PDSS2: variants seen among roughly 807,000 people sequenced by gnomAD.
The protein encoded by PDSS2 is decaprenyl diphosphate synthase subunit 2, also known as all trans-polyprenyl-diphosphate synthase PDSS2.
A neutral mutation model predicts 44.5 loss-of-function variants in PDSS2; 31 were observed. The observed-to-expected ratio is 0.70, with a 90% confidence interval of 0.52 to 0.94. The LOEUF (loss-of-function observed/expected upper bound fraction) is 0.94, where lower values mean the gene tolerates loss of function less well. Among genes scored for constraint, PDSS2 ranks in the 40% least tolerant of loss-of-function variants. The pLI, the probability that PDSS2 is intolerant of heterozygous loss-of-function variation, is 0.00. For synonymous variants in PDSS2, 157 were observed against 180.3 expected (o/e 0.87, Z 1.03); for missense variants, 452 against 482.2 (o/e 0.94, Z 0.59).
At chr6:107,242,258 AATT>A (rs564020485) in intron 4 of PDSS2, among the ~76,000 whole-genome samples, 78 of 151,710 alleles carry the variant, frequency 5.1e-4, no homozygotes, top group Middle Eastern at 6.8e-3. Flanking sequence ...TTTTTGAAAA[AATT>A]ATTATTATTA....
At chr6:107,331,617 A>C (rs1035523619) in intron 2 of PDSS2, among the ~76,000 whole-genome samples, 2 of 152,194 alleles carry the variant, frequency 1.3e-5, no homozygotes, top group African/African-American at 4.8e-5. Context: ...CATACAGATT[A>C]ATAGCTCCTG....
chr6:107,290,552 C>G (rs1776309971), intron 2 of PDSS2, among the ~76,000 whole-genome samples: 1 of 152,110 alleles, frequency 6.6e-6, no homozygotes, highest in African/African-American at 2.4e-5. Flanking sequence ...GACTTCATTC[C>G]CTTTGCTTTT....
chr6:107,178,814 A>G (rs1284716851), intron 7 of PDSS2, among the ~76,000 whole-genome samples: 3 of 152,172 alleles, frequency 2.0e-5, no homozygotes, highest in Admixed American at 6.6e-5. Context: ...TGAGGACAGG[A>G]GTTCGAGGCC....
At chr6:107,429,205 T>G (rs1033575106) in intron 1 of PDSS2, among the ~76,000 whole-genome samples, 1 of 152,198 alleles carries the variant, frequency 6.6e-6, no homozygotes, top group African/African-American at 2.4e-5. Flanking sequence ...TAGGTGTGAA[T>G]GCAGATGCCT....
chr6:107,440,956 T>C (rs1056914368), intron 1 of PDSS2, among the ~76,000 whole-genome samples: 2 of 152,206 alleles, frequency 1.3e-5, no homozygotes, highest in Non-Finnish European at 2.9e-5. Flanking sequence ...TAATCTAAAT[T>C]CTTTATTTGG....
chr6:107,365,956 A>G (rs896350055), intron 1 of PDSS2, among the ~76,000 whole-genome samples: 2 of 152,220 alleles, frequency 1.3e-5, no homozygotes, highest in Non-Finnish European at 2.9e-5. Flanking sequence ...GGAGAATTCA[A>G]TAATACTCTG....
intron 1 of PDSS2, among the ~76,000 whole-genome samples, chr6:107,380,399 C>G (rs940436746): frequency 6.6e-6 from 1 of 152,148 alleles, no homozygotes; most frequent in Non-Finnish European, 1.5e-5. Context: ...TTATGTTAGA[C>G]AGAAAGGCCA....
Position 107,437,070 on chromosome 6 carries a change from G to A in PDSS2, c.296+21920C>T, listed in dbSNP as rs143049119. On this transcript the variant is annotated intron_variant, in intron 1 of 7. Transcript: ENST00000369037. ...GGAGGAGTGCAGTGGCATGCTCATAGCTCACTGCACCCTTCAACTCCTGGC... is the reference window on the plus strand; with the variant it reads ...GGAGGAGTGCAGTGGCATGCTCATAACTCACTGCACCCTTCAACTCCTGGC... Among the ~76,000 whole-genome samples the A allele has an allele frequency of 9.7e-3, 1,480 of 151,966 alleles. 14 individuals carry two copies. The highest frequency in any genetic ancestry group is 0.015 in the Non-Finnish European group (1,049 of 67,972).
chr6:107,335,576 A>C (rs1777860495), intron 1 of PDSS2, among the ~76,000 whole-genome samples: 1 of 152,300 alleles, frequency 6.6e-6, no homozygotes, highest in Middle Eastern at 3.4e-3. Context: ...TTAACTTAGA[A>C]TGTGGCATAT....
chr6:107,425,173 A>G (rs1780953019), intron 1 of PDSS2, among the ~76,000 whole-genome samples: 1 of 152,156 alleles, frequency 6.6e-6, no homozygotes. Context: ...TTTTCTTCCC[A>G]GTCTTGGGTA....
intron 1 of PDSS2, among the ~76,000 whole-genome samples, chr6:107,411,417 T>C (rs573255643): frequency 2.0e-5 from 3 of 152,252 alleles, no homozygotes; most frequent in Non-Finnish European, 4.4e-5. Flanking sequence ...TTTTTACCAA[T>C]GTGACAGGTA....
intron 1 of PDSS2, among the ~76,000 whole-genome samples, chr6:107,411,347 A>G (rs1207953347): frequency 6.6e-6 from 1 of 152,246 alleles, no homozygotes; most frequent in Non-Finnish European, 1.5e-5. Context: ...CACTCCTACC[A>G]ACAATGTATG....
chr6:107,363,576 A>G (rs1160111072), intron 1 of PDSS2, among the ~76,000 whole-genome samples: 2 of 152,188 alleles, frequency 1.3e-5, no homozygotes, highest in Non-Finnish European at 2.9e-5. Context: ...CAGCTCATAA[A>G]AGCAGCGTGG....
chr6:107,250,558 G>C (rs778926472), intron 3 of PDSS2, among the ~76,000 whole-genome samples: 20 of 151,930 alleles, frequency 1.3e-4, no homozygotes, highest in Admixed American at 6.6e-4. Flanking sequence ...GAGGGTGTTG[G>C]GGGGGGAAGC....
chr6:107,391,883 C>G (rs944379566), intron 1 of PDSS2, among the ~76,000 whole-genome samples: 1 of 128,656 alleles, frequency 7.8e-6, no homozygotes, highest in African/African-American at 2.6e-5. Flanking sequence ...GCAAGTCAAA[C>G]AAGTACAAAA....
At chr6:107,436,066 G>C (rs548885943) in intron 1 of PDSS2, among the ~76,000 whole-genome samples, 3 of 152,146 alleles carry the variant, frequency 2.0e-5, no homozygotes, top group Non-Finnish European at 4.4e-5. Flanking sequence ...TATTAAATCA[G>C]AAACAACTAT....
chr6:107,185,875 G>A (rs1418639062), intron 7 of PDSS2, among the ~76,000 whole-genome samples: 1 of 152,208 alleles, frequency 6.6e-6, no homozygotes, highest in Non-Finnish European at 1.5e-5. Context: ...TGCACCTAGG[G>A]CTGCAGGACA....
intron 2 of PDSS2, among the ~76,000 whole-genome samples, chr6:107,302,436 G>C (rs1348598846): frequency 7.3e-6 from 1 of 136,994 alleles, no homozygotes; most frequent in Non-Finnish European, 1.7e-5. Context: ...ATCATGCCTG[G>C]CTAATTTTTT....
intron 2 of PDSS2, among the ~76,000 whole-genome samples, chr6:107,274,667 C>CTTTTTTTTTT (rs5878910): frequency 6.6e-5 from 7 of 106,558 alleles, no homozygotes; most frequent in Non-Finnish European, 3.9e-5. Flanking sequence ...ATCTCTCTCT[C>CTTTTTTTTTT]TTTTTTTTTT....
Sources: allele counts gnomAD v4.1 joint callset (sites outside exome capture counted in the v4.1 genomes callset), GRCh38; gene constraint gnomAD v4.1.1; transcripts MANE v1.5; gene names NCBI Gene and HGNC (gene_info 2026-07-23, HGNC 2026-07-21).